The following ABI3BP variants were observed in gnomAD, a reference collection of about 807,000 sequenced individuals.
The protein encoded by ABI3BP is target of Nesh-SH3.
A neutral mutation model predicts 268.6 loss-of-function variants in ABI3BP; 216 were observed. The ratio of observed to expected loss-of-function variants is 0.80; its 90% CI spans 0.72 to 0.90. ABI3BP has a LOEUF of 0.90. Ranked by LOEUF, ABI3BP falls within the 40% of genes least tolerant of loss-of-function variation. The probability of loss-of-function intolerance (pLI) is 0.00; values close to 1 mark genes in which losing one functional copy is unlikely to be tolerated. For synonymous variants in ABI3BP, 730 were observed against 730.0 expected (o/e 1.00, Z 0.00); for missense variants, 2,090 against 2,182.4 (o/e 0.96, Z 0.84).
chr3:100,807,544 C>T (rs2097748116), intron 50 of ABI3BP, among the ~76,000 whole-genome samples: 1 of 151,816 alleles, frequency 6.6e-6, no homozygotes, highest in African/African-American at 2.4e-5. Context: ...AGAGACCACA[C>T]CTAAAACTAC....
At chr3:100,824,723 ATGGTACTG>A in intron 36 of ABI3BP, 127 bp downstream of exon 36, 1 of 594,170 alleles carries the variant, frequency 1.7e-6, no homozygotes. Flanking sequence ...AGCAGAGGAG[ATGGTACTG>A]ATGATGCCTT....
chr3:100,763,485 G>GA (rs912331960), intron 63 of ABI3BP, among the ~76,000 whole-genome samples: 5 of 150,746 alleles, frequency 3.3e-5, no homozygotes, highest in African/African-American at 1.2e-4. Flanking sequence ...AAAGAAAAAA[G>GA]AAAAAATCTA....
chr3:100,840,041 A>T (rs1384931722), intron 23 of ABI3BP, 31 bp downstream of exon 23: 1 of 1,304,192 alleles, frequency 7.7e-7, no homozygotes, highest in African/African-American at 1.6e-5. Context: ...TCCACTTTCT[A>T]TGTTAATTGG....
intron 6 of ABI3BP, among the ~76,000 whole-genome samples, chr3:100,881,719 C>A (rs1020380333): frequency 6.7e-6 from 1 of 150,350 alleles, no homozygotes; most frequent in African/African-American, 2.4e-5. Flanking sequence ...TCTTTTTCTT[C>A]CTCAATCATA....
chr3:100,964,071 T>C (rs1483590002), intron 1 of ABI3BP, among the ~76,000 whole-genome samples: 1 of 152,160 alleles, frequency 6.6e-6, no homozygotes, highest in Non-Finnish European at 1.5e-5. Context: ...GAGTCCTCGG[T>C]AAGACTTTTC....
intron 12 of ABI3BP, 143 bp downstream of exon 12, chr3:100,863,859 C>T (rs980045368): frequency 1.6e-6 from 1 of 616,766 alleles, no homozygotes; most frequent in African/African-American, 1.8e-5. Flanking sequence ...ATAGGGAGAG[C>T]CTCTTTGGGA....
At chr3:100,820,164 T>C (rs964527338) in intron 40 of ABI3BP, 56 bp downstream of exon 40, 2 of 1,418,534 alleles carry the variant, frequency 1.4e-6, no homozygotes, top group African/African-American at 2.8e-5. Context: ...TGGCATCAGT[T>C]ATAAATTCCT....
chr3:100,858,609 A>C (rs987887202), intron 14 of ABI3BP, among the ~76,000 whole-genome samples: 1 of 152,232 alleles, frequency 6.6e-6, no homozygotes, highest in Non-Finnish European at 1.5e-5. Context: ...AGTAAAGCAA[A>C]ATAAACTTTA....
intron 60 of ABI3BP, 89 bp from the exon 61 acceptor site, chr3:100,774,762 A>G: frequency 9.6e-7 from 1 of 1,044,564 alleles, no homozygotes; most frequent in Non-Finnish European, 1.4e-6. Context: ...GATATTCAAT[A>G]TTTCTTCTTG....
At chr3:100,811,101 GA>G in intron 48 of ABI3BP, 128 bp downstream of exon 48, 1 of 728,356 alleles carries the variant, frequency 1.4e-6, no homozygotes. Context: ...CACCTTGAAA[GA>G]AAAGTAACTG....
chr3:100,768,417 A>AT (rs557079171), intron 62 of ABI3BP, among the ~76,000 whole-genome samples: 107 of 152,098 alleles, frequency 7.0e-4, no homozygotes, highest in African/African-American at 2.3e-3. Context: ...TGATTTAATA[A>AT]TTTTTTTTAT....
At chr3:100,850,236 T>C (rs994378720) in intron 16 of ABI3BP, 117 bp from the exon 17 acceptor site, 2 of 851,922 alleles carry the variant, frequency 2.3e-6, no homozygotes, top group Non-Finnish European at 1.8e-6. Context: ...TGATTAAAGA[T>C]GAAAAATGCA....
At chr3:100,772,705 A>G (rs2096584047) in intron 61 of ABI3BP, among the ~76,000 whole-genome samples, 1 of 152,236 alleles carries the variant, frequency 6.6e-6, no homozygotes, top group South Asian at 2.1e-4. Flanking sequence ...AGATGGGAAA[A>G]ATAGAAAGCA....
intron 9 of ABI3BP, among the ~76,000 whole-genome samples, chr3:100,868,757 T>C (rs2099078611): frequency 6.6e-6 from 1 of 152,238 alleles, no homozygotes; most frequent in African/African-American, 2.4e-5. Flanking sequence ...AAATATTTAA[T>C]AGCATTGTTC....
At chr3:100,817,411 A>G in intron 42 of ABI3BP, 25 bp downstream of exon 42, 1 of 1,469,412 alleles carries the variant, frequency 6.8e-7, no homozygotes, top group Non-Finnish European at 9.1e-7. Flanking sequence ...GGAAAAAGTT[A>G]TTCAGGAACA....
intron 22 of ABI3BP, 50 bp from the exon 23 acceptor site, chr3:100,840,214 C>A: frequency 7.4e-7 from 1 of 1,343,916 alleles, no homozygotes; most frequent in Non-Finnish European, 1.0e-6. Flanking sequence ...GATTTACAAA[C>A]TGATGATAAA....
chr3:100,785,132 A>T (rs1306263287), intron 57 of ABI3BP, among the ~76,000 whole-genome samples: 2 of 152,208 alleles, frequency 1.3e-5, no homozygotes, highest in East Asian at 3.8e-4. Flanking sequence ...CTAATTTTTT[A>T]AAATGTGAAA....
At chr3:100,944,590 C>T (rs1426533324) in intron 1 of ABI3BP, among the ~76,000 whole-genome samples, 1 of 152,112 alleles carries the variant, frequency 6.6e-6, no homozygotes, top group African/African-American at 2.4e-5. Flanking sequence ...GTCAAAAAAT[C>T]ACACAGCTTT....
intron 54 of ABI3BP, among the ~76,000 whole-genome samples, chr3:100,793,038 T>C (rs568160487): frequency 1.4e-4 from 21 of 152,022 alleles, no homozygotes; most frequent in Non-Finnish European, 2.9e-4. Flanking sequence ...AATCTAGTTG[T>C]GGCTATTCTT....
Sources: gnomAD v4.1 joint callset for allele counts (sites outside exome capture counted in the v4.1 genomes callset) on GRCh38, gnomAD v4.1.1 for gene constraint, MANE v1.5 for transcripts, NCBI Gene and HGNC (gene_info 2026-07-23, HGNC 2026-07-21) for gene names.